The following SCYL2 variants were observed in gnomAD, a reference collection of about 807,000 sequenced individuals.
SCYL2 encodes SCY1 like pseudokinase 2.
Under a neutral mutation model 100.4 loss-of-function variants are expected in SCYL2, and 36 were observed. The ratio of observed to expected loss-of-function variants is 0.36; its 90% CI spans 0.27 to 0.47. The LOEUF (loss-of-function observed/expected upper bound fraction) is 0.47. Ranked by LOEUF, SCYL2 falls within the 20% of genes least tolerant of loss-of-function variation. SCYL2 has a pLI of 1.00. For synonymous variants in SCYL2, 330 were observed against 359.2 expected (o/e 0.92, Z 0.92); for missense variants, 902 against 1,083.9 (o/e 0.83, Z 2.36).
At chr12:100,305,389 T>A (rs983105178) in intron 4 of SCYL2, among the ~76,000 whole-genome samples, 4 of 152,222 alleles carry the variant, frequency 2.6e-5, no homozygotes, top group Non-Finnish European at 5.9e-5. Flanking sequence ...CTGAAGAACC[T>A]GCTCCTGAAT....
intron 1 of SCYL2, among the ~76,000 whole-genome samples, chr12:100,280,024 T>A (rs963521862): frequency 6.6e-6 from 1 of 152,236 alleles, no homozygotes; most frequent in African/African-American, 2.4e-5. Context: ...GATAGCTACT[T>A]GGAATTCTGC....
intron 13 of SCYL2, among the ~76,000 whole-genome samples, chr12:100,331,665 T>C (rs570001358): frequency 1.2e-4 from 18 of 151,906 alleles, no homozygotes; most frequent in African/African-American, 4.3e-4. Flanking sequence ...TTTTTTGGGG[T>C]GGGGGGAGTG....
At chr12:100,319,253 G>A (rs968497234) in intron 10 of SCYL2, 17 of 455,852 alleles carry the variant, frequency 3.7e-5, no homozygotes, top group South Asian at 7.7e-5. Context: ...AGGGTATGCT[G>A]CCTTTGTCCA....
At chr12:100,317,681 G>T in intron 9 of SCYL2, 122 bp from the exon 10 acceptor site, 1 of 1,424,004 alleles carries the variant, frequency 7.0e-7, no homozygotes, top group Non-Finnish European at 9.2e-7. Flanking sequence ...ACGCATTCAG[G>T]CTAGCAACAT....
In SCYL2 at chr12:100,268,086, A is replaced by G. The variant is rs1028502795; in HGVS notation, c.-29+294A>G. Among the ~76,000 whole-genome samples the G allele has an allele frequency of 2.6e-5, 4 of 152,224 alleles. No homozygotes were observed. The South Asian group carries it at 6.2e-4, about 24-fold the overall frequency. On this transcript the variant is annotated intron_variant, in intron 1 of 17. Transcript: ENST00000360820. ...CCTGTGATCCGTAATTAAGGAGGCC[A>G]TATTATCAAATCCACCCTCTAAGGC... is the stretch of plus-strand genomic sequence containing the variant.
intron 1 of SCYL2, among the ~76,000 whole-genome samples, chr12:100,279,537 T>C (rs2096295958): frequency 6.6e-6 from 1 of 152,252 alleles, no homozygotes; most frequent in Non-Finnish European, 1.5e-5. Context: ...AGTATCTGAA[T>C]TTTTTTGTGC....
intron 9 of SCYL2, 31 bp downstream of exon 9, chr12:100,315,765 T>TG (rs1352549987): frequency 2.2e-6 from 3 of 1,350,886 alleles, no homozygotes; most frequent in Non-Finnish European, 3.1e-6. Context: ...TGTATTTATC[T>TG]ACTGTTATTT....
At chr12:100,327,238 A>G in intron 12 of SCYL2, 1 of 347,184 alleles carries the variant, frequency 2.9e-6, no homozygotes, top group South Asian at 2.3e-5. Context: ...ATAAGTGGTA[A>G]GTGATAGGAG....
chr12:100,303,122 C>T (rs1007334505), intron 4 of SCYL2, among the ~76,000 whole-genome samples: 1 of 152,104 alleles, frequency 6.6e-6, no homozygotes, highest in Non-Finnish European at 1.5e-5. Context: ...ATGTTCTTCT[C>T]TAAACTGGTT....
At chr12:100,314,998 A>G (rs1482389578) in intron 8 of SCYL2, among the ~76,000 whole-genome samples, 1 of 152,146 alleles carries the variant, frequency 6.6e-6, no homozygotes, top group East Asian at 1.9e-4. Context: ...ACAGTTTTTA[A>G]AATGTTGGTG....
chr12:100,335,111 A>G (rs1952258940), intron 14 of SCYL2, among the ~76,000 whole-genome samples: 1 of 152,116 alleles, frequency 6.6e-6, no homozygotes, highest in Admixed American at 6.5e-5. Context: ...AAATCTGGAG[A>G]AATAATTTTT....
intron 3 of SCYL2, among the ~76,000 whole-genome samples, chr12:100,294,826 T>C (rs1210862314): frequency 2.3e-5 from 3 of 129,510 alleles, no homozygotes; most frequent in East Asian, 2.5e-4. Context: ...CCGGACGGGG[T>C]GGCTGCTGGG....
rs1473875399 is a variant in SCYL2 at position 100,339,205 on chromosome 12, A to G, written c.*33A>G. The G allele has an allele frequency of 1.3e-6, 2 of 1,581,574 alleles. No individual in the cohort carries two copies. Among genetic ancestry groups the G allele is most frequent in the Non-Finnish European group, 1.7e-6 (2 of 1,164,516 alleles). Reference sequence around the variant, plus strand: ...TACTTCTATTTTGAAGGATTATTTCAGTTTCAATCATGGGTGAGCTGATTT... The same window carrying G: ...TACTTCTATTTTGAAGGATTATTTCGGTTTCAATCATGGGTGAGCTGATTT... On this transcript the variant is annotated 3_prime_UTR_variant, in exon 18 of 18. Coordinates refer to ENST00000360820, the MANE Select transcript of SCYL2 (RefSeq NM_017988.6).
chr12:100,317,079 G>A (rs1167732212), intron 9 of SCYL2, among the ~76,000 whole-genome samples: 1 of 151,048 alleles, frequency 6.6e-6, no homozygotes. Flanking sequence ...CTGGGTGACA[G>A]AGTGAGTGAG....
intron 3 of SCYL2, 22 bp from the exon 4 acceptor site, chr12:100,298,009 A>C: frequency 1.3e-6 from 2 of 1,582,688 alleles, no homozygotes; most frequent in South Asian, 1.1e-5. Flanking sequence ...GATAGTAAAT[A>C]ACTTTTTCTT....
chr12:100,274,242 C>G (rs1443258488), intron 1 of SCYL2, among the ~76,000 whole-genome samples: 1 of 152,152 alleles, frequency 6.6e-6, no homozygotes, highest in African/African-American at 2.4e-5. Flanking sequence ...AATATTTTTG[C>G]TTGTGTATCC....
rs530456024 is a variant in SCYL2, at chr12:100,340,026, A to G, written c.*854A>G. 1 of 152,630 alleles carries G rather than the reference A, an allele frequency of 6.6e-6. No individual in the cohort carries two copies. Among genetic ancestry groups the G allele is most frequent in the East Asian group, 1.9e-4 (1 of 5,200 alleles). 9.5% of individuals were successfully genotyped at this position (152,630 alleles called of 1,614,324 possible). On this transcript the variant is annotated 3_prime_UTR_variant, in exon 18 of 18. Transcript: ENST00000360820. The stretch of plus-strand genomic sequence containing the variant: ...ATTCAAACTTCTGAGGTTGCAGCAT[A>G]TATGAATTGCATTTTCAAAAGAAGA...
intron 5 of SCYL2, among the ~76,000 whole-genome samples, chr12:100,311,989 A>G (rs751312814): frequency 3.3e-5 from 5 of 152,194 alleles, no homozygotes; most frequent in African/African-American, 7.2e-5. Flanking sequence ...TTGGATATAT[A>G]TCATGAGTGG....
intron 1 of SCYL2, among the ~76,000 whole-genome samples, chr12:100,271,521 C>G (rs929595509): frequency 6.6e-6 from 1 of 152,150 alleles, no homozygotes; most frequent in Non-Finnish European, 1.5e-5. Flanking sequence ...ACATACAAAT[C>G]TCAGACCTTT....
Sources: gnomAD v4.1 joint callset for allele counts (sites outside exome capture counted in the v4.1 genomes callset) on GRCh38, gnomAD v4.1.1 for gene constraint, MANE v1.5 for transcripts, NCBI Gene and HGNC (gene_info 2026-07-23, HGNC 2026-07-21) for gene names.